Variants in TMEM268 observed in about 807,000 individuals in gnomAD.
The protein encoded by TMEM268 is transmembrane protein 268.
TMEM268 carries 24 observed loss-of-function variants against 39.1 expected under a neutral mutation model. That is an observed-to-expected ratio of 0.61 (90% CI 0.44 to 0.86). TMEM268 has a LOEUF of 0.86. TMEM268 is among the 40% of genes least tolerant of loss of function. TMEM268 has a pLI of 0.00. For missense variants in TMEM268, 409 were observed against 428.6 expected, an observed-to-expected ratio of 0.95 and a Z score of 0.40; for synonymous variants, 176 against 173.5, an observed-to-expected ratio of 1.01 and a Z score of -0.12.
chr9:114,609,865 A>G (rs1319638499), upstream of TMEM268, among the ~76,000 whole-genome samples: 1 of 151,968 alleles, frequency 6.6e-6, no homozygotes, highest in East Asian at 1.9e-4. Flanking sequence ...AGAGAAAGAG[A>G]AAGAAAGAAA....
chr9:114,609,078 G>A (rs1589318769), upstream of TMEM268, among the ~76,000 whole-genome samples: 2 of 152,182 alleles, frequency 1.3e-5, no homozygotes, highest in South Asian at 2.1e-4. Flanking sequence ...GGGAGGCCAA[G>A]GCGGGTGGAT....
At position 114,633,863 on chromosome 9, in the gene TMEM268, C is replaced by T; in HGVS notation, c.570C>T (p.Cys190=). The T allele has an allele frequency of 1.3e-6, 2 of 1,593,454 alleles. No homozygotes were observed. The highest frequency in any genetic ancestry group is 1.7e-6 in the Non-Finnish European group (2 of 1,169,304). Reference sequence around the variant, plus strand: ...GGGTGACAGACACAGTGGAAGGATGCCAGAGTGTGATTCAGGTGCTGTGTC... The same window carrying T: ...GGGTGACAGACACAGTGGAAGGATGTCAGAGTGTGATTCAGGTGCTGTGTC... ...LLGVTDTVEG[C]QSVIQLWFVY... The change falls in exon 6 of 9, where the codon TGC becomes TGT. Residue 190 remains cysteine (C), a synonymous_variant. Transcript: ENST00000288502.
At chr9:114,627,057 C>T (rs762205864) in intron 4 of TMEM268, 51 bp downstream of exon 4, 1 of 1,318,270 alleles carries the variant, frequency 7.6e-7, no homozygotes, top group South Asian at 1.2e-5. Flanking sequence ...GCTTATGGCA[C>T]CACCAAATTC....
chr9:114,630,582 G>C (rs373451094), intron 5 of TMEM268, among the ~76,000 whole-genome samples: 1 of 152,288 alleles, frequency 6.6e-6, no homozygotes, highest in South Asian at 2.1e-4. Context: ...CTTGGGGTGA[G>C]TTACTTAATC....
intron 3 of TMEM268, 118 bp downstream of exon 3, chr9:114,624,577 G>T (rs1371175930): frequency 7.0e-7 from 1 of 1,425,456 alleles, no homozygotes; most frequent in Non-Finnish European, 9.3e-7. Context: ...CTGTCGTAGG[G>T]TATATAAGGA....
chr9:114,608,472 G>A (rs542702094), upstream of TMEM268, among the ~76,000 whole-genome samples: 44 of 152,200 alleles, frequency 2.9e-4, no homozygotes, highest in Non-Finnish European at 5.6e-4. Context: ...TCACGCTGGA[G>A]TGACCAGCAG....
chr9:114,622,237 G>A (rs1428907593), intron 2 of TMEM268: 1 of 985,296 alleles, frequency 1.0e-6, no homozygotes, highest in African/African-American at 1.7e-5. Context: ...GGTGACAGGA[G>A]TTTTGGATCA....
At chr9:114,612,268 G>C (rs1845531408) in intron 1 of TMEM268, among the ~76,000 whole-genome samples, 1 of 152,212 alleles carries the variant, frequency 6.6e-6, no homozygotes, top group African/African-American at 2.4e-5. Context: ...TTCCTTTGCA[G>C]ATGCTCTCTA....
At chr9:114,643,023 C>A in intron 8 of TMEM268, 111 bp from the exon 9 acceptor site, 1 of 1,109,444 alleles carries the variant, frequency 9.0e-7, no homozygotes, top group Non-Finnish European at 1.3e-6. Flanking sequence ...TAGAGAGCAT[C>A]ACTGCTGGGT....
the TMEM268 span, among the ~76,000 whole-genome samples, chr9:114,605,517 G>T: frequency 6.6e-6 from 1 of 152,066 alleles, no homozygotes; most frequent in African/African-American, 2.4e-5. Flanking sequence ...CTGGCTCCTG[G>T]GTCAGCTGTG....
At chr9:114,637,951 C>T (rs1846715809) in intron 7 of TMEM268, among the ~76,000 whole-genome samples, 1 of 152,222 alleles carries the variant, frequency 6.6e-6, no homozygotes. Context: ...CAGGCAGGGC[C>T]TTTGAGTCTC....
intron 3 of TMEM268, among the ~76,000 whole-genome samples, 166 bp downstream of exon 3, chr9:114,624,625 G>A (rs887612285): frequency 5.3e-5 from 8 of 152,142 alleles, no homozygotes; most frequent in African/African-American, 1.9e-4. Flanking sequence ...CTCTCTTCCC[G>A]GTTAACTCAC....
chr9:114,624,114 T>C (rs4979446), intron 2 of TMEM268: 614,357 of 669,420 alleles, frequency 0.92, 282,218 homozygotes, highest in East Asian at 1. Flanking sequence ...CTTCCTTATA[T>C]GGTCTCACAT....
At chr9:114,638,064 C>T (rs1206469062) in intron 7 of TMEM268, among the ~76,000 whole-genome samples, 1 of 152,192 alleles carries the variant, frequency 6.6e-6, no homozygotes, top group East Asian at 1.9e-4. Flanking sequence ...TGTTTTGAGG[C>T]AGAGTCTTGC....
intron 5 of TMEM268, among the ~76,000 whole-genome samples, chr9:114,633,422 A>G (rs1459508290): frequency 2.0e-5 from 3 of 152,072 alleles, no homozygotes; most frequent in Admixed American, 1.3e-4. Flanking sequence ...GGCCTCCCAA[A>G]GTGCTGGGAT....
At chr9:114,641,792 C>G (rs528528270) in intron 8 of TMEM268, among the ~76,000 whole-genome samples, 98 of 152,138 alleles carry the variant, frequency 6.4e-4, no homozygotes, top group African/African-American at 2.3e-3. Flanking sequence ...TGTGCCACCA[C>G]ACCTGGCTAA....
In TMEM268 at chr9:114,619,625, G is replaced by A. The variant is rs1380163615; in HGVS notation, c.106+2324G>A. 2.6e-5 allele frequency among the ~76,000 whole-genome samples: 4 copies of A among 152,278 alleles called. No homozygotes were observed. In the South Asian group the frequency reaches 8.3e-4, roughly 32 times the overall value. Reference sequence around the variant, plus strand: ...TGGACTGGAGAGCTGGTCTGAGACCGGATCTGCTTGACTGCCTGCATTTTT... The same window carrying A: ...TGGACTGGAGAGCTGGTCTGAGACCAGATCTGCTTGACTGCCTGCATTTTT... On this transcript the variant is annotated intron_variant, in intron 2 of 8. Transcript: ENST00000288502.
intron 6 of TMEM268, among the ~76,000 whole-genome samples, chr9:114,634,823 G>A (rs1564298176): frequency 6.6e-6 from 1 of 152,196 alleles, no homozygotes; most frequent in Non-Finnish European, 1.5e-5. Context: ...TGTTTGTGGA[G>A]CCTATCACAC....
At chr9:114,618,170 C>A (rs897362802) in intron 2 of TMEM268, among the ~76,000 whole-genome samples, 1 of 152,158 alleles carries the variant, frequency 6.6e-6, no homozygotes, top group Admixed American at 6.5e-5. Context: ...AGCCACCACA[C>A]CTGGCCCCAG....
Sources: allele counts gnomAD v4.1 joint callset (sites outside exome capture counted in the v4.1 genomes callset), GRCh38; gene constraint gnomAD v4.1.1; transcripts MANE v1.5; gene names NCBI Gene and HGNC (gene_info 2026-07-23, HGNC 2026-07-21).